Variants in XXYLT1 observed in about 807,000 individuals in gnomAD.
XXYLT1 encodes xyloside xylosyltransferase 1.
XXYLT1 carries 20 observed loss-of-function variants against 28.9 expected under a neutral mutation model. The observed-to-expected ratio is 0.69, with a 90% confidence interval of 0.49 to 1.00. The LOEUF (loss-of-function observed/expected upper bound fraction) is 1.00. XXYLT1 is among the 50% of genes least tolerant of loss of function. The probability of loss-of-function intolerance (pLI) is 0.00; values close to 1 mark genes in which losing one functional copy is unlikely to be tolerated. For synonymous variants in XXYLT1, 257 were observed against 253.8 expected (o/e 1.01, Z -0.12); for missense variants, 542 against 560.1 (o/e 0.97, Z 0.33).
intron 3 of XXYLT1, among the ~76,000 whole-genome samples, chr3:195,099,866 T>G (rs1472687969): frequency 6.6e-6 from 1 of 150,976 alleles, no homozygotes; most frequent in Non-Finnish European, 1.5e-5. Flanking sequence ...GTAACTATAT[T>G]TGAATCTTGT....
At chr3:195,177,375 CTT>C (rs1380918395) in intron 2 of XXYLT1, among the ~76,000 whole-genome samples, 12 of 152,298 alleles carry the variant, frequency 7.9e-5, no homozygotes, top group Non-Finnish European at 1.5e-4. Context: ...AAGATTCTCT[CTT>C]GACTCTTGAA....
rs190983541 is a variant in XXYLT1, at chr3:195,261,646, C to A, written c.504+8909G>T. Among the ~76,000 whole-genome samples the A allele has an allele frequency of 3.7e-4, 56 of 152,192 alleles. 1 individual carries two copies. Among genetic ancestry groups the A allele is most frequent in the African/African-American group, 1.3e-3 (56 of 41,516 alleles). ...TTTCTAGCGATGTTGTAACACCTTA[C>A]AGGGTAAGGAGGGGAAAGTCAAGGT... On this transcript the variant is annotated intron_variant, in intron 1 of 3. Coordinates refer to ENST00000310380, the MANE Select transcript of XXYLT1 (RefSeq NM_152531.5).
chr3:195,073,160 A>G (rs1022889353), intron 3 of XXYLT1, among the ~76,000 whole-genome samples: 1 of 152,180 alleles, frequency 6.6e-6, no homozygotes, highest in Admixed American at 6.5e-5. Flanking sequence ...ACTGCCTCGG[A>G]TTCCACGGGC....
Position 195,270,878 on chromosome 3 carries a change from C to G in XXYLT1, c.181G>C (p.Gly61Arg). The G allele has an allele frequency of 5.7e-6, 8 of 1,410,956 alleles. No homozygotes were observed. The highest frequency in any genetic ancestry group is 7.4e-6 in the Non-Finnish European group (8 of 1,085,908). 87.4% of individuals were successfully genotyped at this position (1,410,956 alleles called of 1,614,324 possible). Residue 61 changes from glycine to arginine, a missense_variant, in exon 1 of 4, where the codon GGG becomes CGG. Transcript: ENST00000310380. ...GGCGGCGAGGGCGCGGCGGGAGCCC[C>G]GGCGCGGGCCTCCTTCAGCCTCTTG... Reference protein sequence around the residue: ...ATKRLKEARAGAPAAPSPPAL... With the variant: ...ATKRLKEARARAPAAPSPPAL...
chr3:195,117,326 G>C (rs1375457542), intron 3 of XXYLT1, among the ~76,000 whole-genome samples: 1 of 152,170 alleles, frequency 6.6e-6, no homozygotes, highest in African/African-American at 2.4e-5. Flanking sequence ...TGTTGAATCA[G>C]ATGTGGGCCA....
chr3:195,149,398 G>T (rs1163567927), intron 3 of XXYLT1, among the ~76,000 whole-genome samples: 2 of 152,168 alleles, frequency 1.3e-5, no homozygotes, highest in African/African-American at 4.8e-5. Flanking sequence ...CATCTCCATG[G>T]GCCAGGAACA....
Position 195,256,064 on chromosome 3 carries a change from G to C in XXYLT1, c.504+14491C>G, listed in dbSNP as rs1267145287. Among the ~76,000 whole-genome samples, 1 of 152,208 alleles carries C rather than the reference G, an allele frequency of 6.6e-6. No individual in the cohort carries two copies. Among genetic ancestry groups the C allele is most frequent in the Non-Finnish European group, 1.5e-5 (1 of 68,034 alleles). ...CAGCAGCAGGCACAGGGGCACCGTG[G>C]GAACCCTTCTGGTGGGGCCCCAGCT... On this transcript the variant is annotated intron_variant, in intron 1 of 3. Transcript: ENST00000310380. The surrounding 1 kb of genome is among the most constrained non-coding windows in gnomAD (Gnocchi z 4.2).
At chr3:195,260,052 C>G (rs955129418) in intron 1 of XXYLT1, 2 of 152,474 alleles carry the variant, frequency 1.3e-5, no homozygotes, top group Admixed American at 1.3e-4. Context: ...GCCGCAGCCC[C>G]GCCGACTGCC....
chr3:195,082,674 G>A (rs374719126), intron 3 of XXYLT1, among the ~76,000 whole-genome samples: 2 of 152,176 alleles, frequency 1.3e-5, no homozygotes, highest in South Asian at 2.1e-4. Flanking sequence ...CTAGCATGGC[G>A]AAACTCCAAC....
chr3:195,089,594 G>C (rs141436139), intron 3 of XXYLT1, among the ~76,000 whole-genome samples: 1 of 151,734 alleles, frequency 6.6e-6, no homozygotes, highest in African/African-American at 2.4e-5. Context: ...AAAGACCATC[G>C]AGACTAGGAA....
intron 3 of XXYLT1, among the ~76,000 whole-genome samples, chr3:195,114,933 C>A (rs374360982): frequency 6.6e-6 from 1 of 152,222 alleles, no homozygotes; most frequent in Admixed American, 6.5e-5. Context: ...ACACCGGGGT[C>A]GGCCTGGGCG....
At chr3:195,204,476 A>ACT (rs61196221) in intron 2 of XXYLT1, among the ~76,000 whole-genome samples, 5,695 of 125,724 alleles carry the variant, frequency 0.045, 108 homozygotes, top group Non-Finnish European at 0.06. Flanking sequence ...TCACTCTCTC[A>ACT]CTCTCTCTCT....
intron 3 of XXYLT1, among the ~76,000 whole-genome samples, chr3:195,122,846 G>A (rs1377466524): frequency 6.6e-6 from 1 of 152,170 alleles, no homozygotes; most frequent in Non-Finnish European, 1.5e-5. Flanking sequence ...CTGTGCCTGG[G>A]GCTGTTTGCA....
chr3:195,159,191 C>T (rs1025464007), intron 2 of XXYLT1, among the ~76,000 whole-genome samples: 2 of 152,200 alleles, frequency 1.3e-5, no homozygotes, highest in Admixed American at 6.5e-5. Flanking sequence ...ATGGCCAGCA[C>T]CCAAGGCTGC....
chr3:195,252,717 C>CAG (rs1309512804), intron 1 of XXYLT1, among the ~76,000 whole-genome samples: 261 of 139,520 alleles, frequency 1.9e-3, no homozygotes, highest in African/African-American at 6.7e-3. Context: ...CACACACACA[C>CAG]ACACACACAC....
In XXYLT1 at chr3:195,155,567, A is replaced by T. The variant is rs2108681097; in HGVS notation, c.785+882T>A. On this transcript the variant is annotated intron_variant, in intron 3 of 3. Transcript: ENST00000310380. ...TTTTTTTAATTACAAGATGTAGAAC[A>T]AGAACACACAAAAAAGTGCATGCAA... Among the ~76,000 whole-genome samples, 2 of 151,854 alleles carry T rather than the reference A, an allele frequency of 1.3e-5. 1 individual carries two copies. Among genetic ancestry groups the T allele is most frequent in the Middle Eastern group, 6.8e-3 (2 of 294 alleles).
rs1474161525 is a variant in XXYLT1, at chr3:195,209,050, CCCAAGACAGAAGGGAAG to C, written c.652+17642_652+17658del. On this transcript the variant is annotated intron_variant, in intron 2 of 3. Transcript: ENST00000310380. This position sits in a 1 kb window ranked among gnomAD's most constrained non-coding sequence, Gnocchi z 5.0. ...AAAATACTGTACCTGACTCCCCCAACCCAAGACAGAAGGGAAGCCATCGCCCACCTCCCCTTACGTGG... is the reference window on the plus strand; with the variant it reads ...AAAATACTGTACCTGACTCCCCCAACCCATCGCCCACCTCCCCTTACGTGG... Among the ~76,000 whole-genome samples, 1 of 152,214 alleles carries C rather than the reference CCCAAGACAGAAGGGAAG, an allele frequency of 6.6e-6. No homozygotes were observed. Among genetic ancestry groups the C allele is most frequent in the Non-Finnish European group, 1.5e-5 (1 of 68,034 alleles).
intron 2 of XXYLT1, among the ~76,000 whole-genome samples, chr3:195,182,509 C>T (rs1424680288): frequency 1.3e-5 from 2 of 152,136 alleles, no homozygotes; most frequent in Non-Finnish European, 2.9e-5. Context: ...GCCTCAGAGC[C>T]GCAGAGCCAG....
intron 1 of XXYLT1, among the ~76,000 whole-genome samples, chr3:195,229,279 A>G (rs60382109): frequency 0.062 from 9,441 of 152,172 alleles, 1,003 homozygotes; most frequent in African/African-American, 0.21. Context: ...TAGAGTATGT[A>G]TATATATTTA....
Sources: gnomAD v4.1 joint callset for allele counts (sites outside exome capture counted in the v4.1 genomes callset) on GRCh38, gnomAD v4.1.1 for gene constraint, Gnocchi (gnomAD v3.1) non-coding constraint, MANE v1.5 for transcripts, NCBI Gene and HGNC (gene_info 2026-07-23, HGNC 2026-07-21) for gene names.